CCDC171: variants seen among roughly 807,000 people sequenced by gnomAD.
CCDC171 encodes coiled-coil domain-containing protein 171.
In CCDC171, 177 loss-of-function variants were observed where a neutral mutation model predicts 168.2. The ratio of observed to expected loss-of-function variants is 1.05; its 90% CI spans 0.93 to 1.19. The LOEUF is 1.19. Ranked by LOEUF, CCDC171 falls within the 50% of genes most tolerant of loss-of-function variation. The pLI, the probability that CCDC171 is intolerant of heterozygous loss-of-function variation, is 0.00. For synonymous variants in CCDC171, 687 were observed against 540.8 expected (o/e 1.27, Z -3.75); for missense variants, 1,991 against 1,539.0 (o/e 1.29, Z -4.91).
At chr9:15,647,574 G>A (rs1053057196) in intron 7 of CCDC171, among the ~76,000 whole-genome samples, 13 of 152,104 alleles carry the variant, frequency 8.5e-5, no homozygotes, top group South Asian at 2.1e-4. Context: ...TATCACCACC[G>A]ATTCCACAGA....
chr9:15,767,935 A>G (rs1352362561), intron 18 of CCDC171, among the ~76,000 whole-genome samples: 2 of 146,106 alleles, frequency 1.4e-5, no homozygotes, highest in Non-Finnish European at 3.0e-5. Flanking sequence ...GGGTTTCTCC[A>G]TGTTGTCCAG....
chr9:16,016,177 G>A (rs937328919), intron 3 of CCDC171, among the ~76,000 whole-genome samples: 4 of 151,984 alleles, frequency 2.6e-5, no homozygotes, highest in East Asian at 1.9e-4. Flanking sequence ...GCTTTTTGAG[G>A]AACTGCCATA....
the CCDC171 span, among the ~76,000 whole-genome samples, chr9:16,068,797 T>TG: frequency 7.5e-6 from 1 of 133,986 alleles, no homozygotes; most frequent in Non-Finnish European, 1.8e-5. Context: ...CTGGTTTTTA[T>TG]GGGGGCAGTT....
intron 21 of CCDC171, among the ~76,000 whole-genome samples, chr9:15,816,304 A>G (rs1466964193): frequency 8.5e-6 from 1 of 117,968 alleles, no homozygotes; most frequent in African/African-American, 3.2e-5. Context: ...ACATTATATT[A>G]GTTTTTTAAA....
intron 21 of CCDC171, among the ~76,000 whole-genome samples, chr9:15,792,147 A>C (rs995628586): frequency 2.0e-5 from 3 of 152,262 alleles, no homozygotes; most frequent in Non-Finnish European, 4.4e-5. Flanking sequence ...TGGAGCTGAA[A>C]ACCATGGCAC....
chr9:15,575,246 G>A (rs1377083896), intron 3 of CCDC171, among the ~76,000 whole-genome samples: 1 of 144,784 alleles, frequency 6.9e-6, no homozygotes, highest in Admixed American at 7.4e-5. Flanking sequence ...GCTCACTGCA[G>A]CCTGGTCTCG....
At chr9:15,791,325 T>C (rs1246492723) in intron 21 of CCDC171, among the ~76,000 whole-genome samples, 1 of 152,116 alleles carries the variant, frequency 6.6e-6, no homozygotes, top group Non-Finnish European at 1.5e-5. Context: ...CCCTTGTAAG[T>C]TGGATTCCTA....
At chr9:15,565,423 A>G (rs555912084) in intron 2 of CCDC171, among the ~76,000 whole-genome samples, 26 of 152,240 alleles carry the variant, frequency 1.7e-4, no homozygotes, top group African/African-American at 4.3e-4. Flanking sequence ...GCCTCAGGCA[A>G]TCCTCCTGCA....
intron 21 of CCDC171, among the ~76,000 whole-genome samples, chr9:15,789,707 TA>T (rs968208412): frequency 1.8e-4 from 28 of 152,238 alleles, no homozygotes; most frequent in African/African-American, 6.7e-4. Flanking sequence ...ACCCATTAAC[TA>T]GTCATTTACA....
intron 25 of CCDC171, among the ~76,000 whole-genome samples, chr9:15,935,103 T>C (rs770855458): frequency 2.0e-5 from 3 of 152,100 alleles, no homozygotes; most frequent in Non-Finnish European, 2.9e-5. Flanking sequence ...TGGCACAATG[T>C]TGTGAATGTT....
chr9:15,866,564 A>G (rs1331681048), intron 23 of CCDC171, among the ~76,000 whole-genome samples: 2 of 152,044 alleles, frequency 1.3e-5, no homozygotes, highest in African/African-American at 4.8e-5. Flanking sequence ...AAAGGAGACA[A>G]TGATGAGTTT....
At chr9:15,800,684 G>T (rs767559883) in intron 21 of CCDC171, among the ~76,000 whole-genome samples, 1 of 151,754 alleles carries the variant, frequency 6.6e-6, no homozygotes, top group Non-Finnish European at 1.5e-5. Context: ...AGAATTTTTT[G>T]CCCAAACCAA....
intron 6 of CCDC171, among the ~76,000 whole-genome samples, chr9:15,615,333 A>G (rs775283492): frequency 9.9e-5 from 15 of 152,040 alleles, no homozygotes; most frequent in Admixed American, 2.0e-4. Flanking sequence ...CATCTCTACT[A>G]TTTTAGGAAA....
At chr9:15,662,559 C>T (rs2048395949) in intron 8 of CCDC171, among the ~76,000 whole-genome samples, 1 of 152,114 alleles carries the variant, frequency 6.6e-6, no homozygotes, top group South Asian at 2.1e-4. Context: ...ATTTCGCAGT[C>T]TATGTTCTCT....
intron 11 of CCDC171, among the ~76,000 whole-genome samples, chr9:15,700,599 C>G (rs1244224015): frequency 6.6e-6 from 1 of 152,088 alleles, no homozygotes; most frequent in Non-Finnish European, 1.5e-5. Flanking sequence ...CACGCTGTCA[C>G]CTCTCAATAT....
At chr9:15,699,992 C>T (rs1168198109) in intron 11 of CCDC171, among the ~76,000 whole-genome samples, 2 of 152,260 alleles carry the variant, frequency 1.3e-5, no homozygotes, top group Non-Finnish European at 2.9e-5. Flanking sequence ...CCAGTGGATC[C>T]CGCACCCGGG....
chr9:15,862,752 A>G (rs958174890), intron 23 of CCDC171, among the ~76,000 whole-genome samples: 1 of 152,196 alleles, frequency 6.6e-6, no homozygotes, highest in Admixed American at 6.6e-5. Flanking sequence ...GTGTTAGTCC[A>G]AACTGTCATC....
At chr9:15,940,623 TA>T in intron 25 of CCDC171, among the ~76,000 whole-genome samples, 1 of 152,138 alleles carries the variant, frequency 6.6e-6, no homozygotes, top group East Asian at 1.9e-4. Context: ...CCAGAAGTTA[TA>T]CATATTCACT....
chr9:15,767,666 TC>T (rs1428119038), intron 18 of CCDC171, among the ~76,000 whole-genome samples: 5 of 151,882 alleles, frequency 3.3e-5, no homozygotes, highest in African/African-American at 1.2e-4. Context: ...AAGACCACTG[TC>T]CTGCCTTTGG....
Sources: gnomAD v4.1 joint callset for allele counts (sites outside exome capture counted in the v4.1 genomes callset) on GRCh38, gnomAD v4.1.1 for gene constraint, MANE v1.5 for transcripts, NCBI Gene and HGNC (gene_info 2026-07-23, HGNC 2026-07-21) for gene names.